Variants in IMMP2L observed in about 807,000 individuals in gnomAD.
The protein encoded by IMMP2L is inner mitochondrial membrane peptidase subunit 2, also known as mitochondrial inner membrane protease subunit 2.
In IMMP2L, 18 loss-of-function variants were observed where a neutral mutation model predicts 19.3. The observed-to-expected ratio is 0.93, with a 90% confidence interval of 0.64 to 1.38. The LOEUF is 1.38. IMMP2L is among the 40% of genes most tolerant of loss of function. IMMP2L has a pLI of 0.00. For synonymous variants in IMMP2L, 76 were observed against 73.0 expected (o/e 1.04, Z -0.21); for missense variants, 233 against 218.2 (o/e 1.07, Z -0.43).
At chr7:111,284,415 C>A (rs2130729982) in intron 3 of IMMP2L, among the ~76,000 whole-genome samples, 1 of 151,932 alleles carries the variant, frequency 6.6e-6, no homozygotes, top group Non-Finnish European at 1.5e-5. Context: ...ACAAACGAAG[C>A]CAGCATTTGG....
chr7:110,669,192 C>G (rs1791717136), intron 5 of IMMP2L, among the ~76,000 whole-genome samples: 1 of 151,804 alleles, frequency 6.6e-6, no homozygotes, highest in Non-Finnish European at 1.5e-5. Flanking sequence ...CAAAATCTGA[C>G]AAGGGAGGTC....
intron 3 of IMMP2L, among the ~76,000 whole-genome samples, chr7:111,353,425 TAAAA>T (rs1828384964): frequency 6.6e-6 from 1 of 152,164 alleles, no homozygotes; most frequent in Non-Finnish European, 1.5e-5. Context: ...AATCTGTTGT[TAAAA>T]GTTAAAATAA....
In IMMP2L at chr7:110,937,945, T is replaced by C. The variant is rs141722131; in HGVS notation, c.305+25555A>G. Reference sequence around the variant, plus strand: ...GAACTTCAAAGACTTACTGAAACATTTGAAAGTCATATGAAGTGGCCTCTG... The same window carrying C: ...GAACTTCAAAGACTTACTGAAACATCTGAAAGTCATATGAAGTGGCCTCTG... On this transcript the variant is annotated intron_variant, in intron 4 of 5. Transcript: ENST00000405709. Among the ~76,000 whole-genome samples, 1,117 of 152,218 alleles carry C rather than the reference T, an allele frequency of 7.3e-3. 10 individuals carry two copies. Among genetic ancestry groups the C allele is most frequent in the South Asian group, 0.023 (112 of 4,820 alleles).
At position 111,434,573 on chromosome 7, in the gene IMMP2L, T is replaced by C. The variant is rs923403209; in HGVS notation, c.239+52665A>G. On this transcript the variant is annotated intron_variant, in intron 3 of 5. Coordinates refer to ENST00000405709, the MANE Select transcript of IMMP2L (RefSeq NM_032549.4). Reference sequence around the variant, plus strand: ...TTGTTTTATTGTTTTTGAGACAGACTCTCACTCTGTTGCACAGGATGGAGT... The same window carrying C: ...TTGTTTTATTGTTTTTGAGACAGACCCTCACTCTGTTGCACAGGATGGAGT... 1.4e-4 allele frequency among the ~76,000 whole-genome samples: 21 copies of C among 151,878 alleles called. 2 individuals carry two copies. Among genetic ancestry groups the C allele is most frequent in the Admixed American group, 2.6e-4 (4 of 15,278 alleles).
At chr7:110,891,859 G>A (rs2129546167) in intron 4 of IMMP2L, among the ~76,000 whole-genome samples, 1 of 152,258 alleles carries the variant, frequency 6.6e-6, no homozygotes, top group East Asian at 1.9e-4. Flanking sequence ...ACATTAGAAA[G>A]ATATGGGAAG....
At chr7:111,262,241 G>A (rs1266924283) in intron 3 of IMMP2L, among the ~76,000 whole-genome samples, 2 of 152,054 alleles carry the variant, frequency 1.3e-5, no homozygotes, top group Non-Finnish European at 2.9e-5. Context: ...TTCAGATAGG[G>A]ATAAGTATAA....
intron 5 of IMMP2L, among the ~76,000 whole-genome samples, chr7:110,883,348 C>A (rs1405196031): frequency 6.6e-6 from 1 of 152,130 alleles, no homozygotes; most frequent in Non-Finnish European, 1.5e-5. Flanking sequence ...TCATTTATTG[C>A]TAAAACTATC....
intron 3 of IMMP2L, among the ~76,000 whole-genome samples, chr7:111,129,637 A>C (rs1801661607): frequency 6.6e-6 from 1 of 152,130 alleles, no homozygotes; most frequent in Non-Finnish European, 1.5e-5. Flanking sequence ...GGAATGCCAC[A>C]TCTAGAAACA....
chr7:111,059,022 G>A (rs1048453523), intron 3 of IMMP2L, among the ~76,000 whole-genome samples: 13 of 151,138 alleles, frequency 8.6e-5, no homozygotes, highest in Admixed American at 5.9e-4. Flanking sequence ...TTGCACTGTC[G>A]CTGCGGCTGG....
chr7:111,508,029 G>A (rs542377202), intron 2 of IMMP2L, among the ~76,000 whole-genome samples: 69 of 152,116 alleles, frequency 4.5e-4, no homozygotes, highest in African/African-American at 1.6e-3. Context: ...CAATGAGGGA[G>A]GCCTGATTCA....
At chr7:111,152,375 A>G (rs1475392044) in intron 3 of IMMP2L, among the ~76,000 whole-genome samples, 2 of 152,044 alleles carry the variant, frequency 1.3e-5, no homozygotes, top group Admixed American at 6.6e-5. Context: ...CTCTTCCTCA[A>G]TTCACCAACA....
intron 3 of IMMP2L, among the ~76,000 whole-genome samples, chr7:111,436,935 C>T (rs955627645): frequency 1.3e-5 from 2 of 151,594 alleles, no homozygotes; most frequent in Admixed American, 1.3e-4. Context: ...TTTAGACAAA[C>T]AGATTTTGCA....
chr7:111,280,085 G>A (rs1169458331), intron 3 of IMMP2L, among the ~76,000 whole-genome samples: 1 of 152,054 alleles, frequency 6.6e-6, no homozygotes, highest in East Asian at 1.9e-4. Context: ...GACTTCACAG[G>A]ACTCTTGAAA....
At chr7:110,753,567 C>T (rs1797859387) in intron 5 of IMMP2L, among the ~76,000 whole-genome samples, 1 of 152,026 alleles carries the variant, frequency 6.6e-6, no homozygotes, top group Non-Finnish European at 1.5e-5. Context: ...CCTCGATTTT[C>T]TAACAACCAC....
intron 5 of IMMP2L, among the ~76,000 whole-genome samples, chr7:110,718,682 A>G (rs1352591321): frequency 6.6e-6 from 1 of 152,160 alleles, no homozygotes; most frequent in African/African-American, 2.4e-5. Flanking sequence ...AAGGGGAATC[A>G]GAGGGACAAA....
At chr7:111,280,692 C>T (rs926982071) in intron 3 of IMMP2L, among the ~76,000 whole-genome samples, 4 of 152,076 alleles carry the variant, frequency 2.6e-5, no homozygotes, top group African/African-American at 7.2e-5. Context: ...AAGAAACAGA[C>T]AAATTAGGCG....
chr7:110,901,564 G>A (rs901171954), intron 4 of IMMP2L, among the ~76,000 whole-genome samples: 3 of 152,070 alleles, frequency 2.0e-5, no homozygotes, highest in Admixed American at 6.6e-5. Context: ...AAACCAAACC[G>A]ATGACTAACA....
At chr7:111,367,422 G>A (rs1468662124) in intron 3 of IMMP2L, among the ~76,000 whole-genome samples, 1 of 150,870 alleles carries the variant, frequency 6.6e-6, no homozygotes, top group African/African-American at 2.4e-5. Flanking sequence ...GGTCCAGTTA[G>A]TTAGTTACCT....
chr7:111,263,298 C>T (rs968247686), intron 3 of IMMP2L, among the ~76,000 whole-genome samples: 7 of 152,062 alleles, frequency 4.6e-5, no homozygotes, highest in Non-Finnish European at 1.0e-4. Context: ...TACCTGTATT[C>T]TGCATATATT....
Sources: allele counts gnomAD v4.1 joint callset (sites outside exome capture counted in the v4.1 genomes callset), GRCh38; gene constraint gnomAD v4.1.1; transcripts MANE v1.5; gene names NCBI Gene and HGNC (gene_info 2026-07-23, HGNC 2026-07-21).